The following SPOCK3 variants were observed in gnomAD, a reference collection of about 807,000 sequenced individuals.
The protein encoded by SPOCK3 is testican-3.
A neutral mutation model predicts 56.6 loss-of-function variants in SPOCK3; 30 were observed. The observed-to-expected ratio is 0.53, with a 90% confidence interval of 0.40 to 0.72. The LOEUF is 0.72. Among genes scored for constraint, SPOCK3 ranks in the 30% least tolerant of loss-of-function variants. SPOCK3 has a pLI of 0.00. For missense variants in SPOCK3, 527 were observed against 530.0 expected (o/e 0.99, Z 0.06); for synonymous variants, 196 against 183.3 (o/e 1.07, Z -0.56).
At chr4:167,125,975 T>C (rs1762244198) in intron 2 of SPOCK3, among the ~76,000 whole-genome samples, 1 of 152,158 alleles carries the variant, frequency 6.6e-6, no homozygotes, top group South Asian at 2.1e-4. Flanking sequence ...AAGAGCACAA[T>C]CCAGAAGTTA....
intron 4 of SPOCK3, among the ~76,000 whole-genome samples, chr4:166,933,694 G>C (rs1740054160): frequency 6.6e-6 from 1 of 152,172 alleles, no homozygotes; most frequent in Non-Finnish European, 1.5e-5. Flanking sequence ...TTAGAACATA[G>C]AGATAAGGCT....
At chr4:166,992,714 C>G (rs555727836) in intron 4 of SPOCK3, among the ~76,000 whole-genome samples, 1 of 117,186 alleles carries the variant, frequency 8.5e-6, no homozygotes, top group South Asian at 3.3e-4. Context: ...TTAAAAGTAA[C>G]CTTCATTAAT....
intron 4 of SPOCK3, among the ~76,000 whole-genome samples, chr4:166,995,319 A>G (rs1489026114): frequency 5.3e-5 from 8 of 152,146 alleles, no homozygotes; most frequent in Admixed American, 1.3e-4. Context: ...GTTATGATCT[A>G]TCTTTTAAGA....
intron 7 of SPOCK3, among the ~76,000 whole-genome samples, chr4:166,765,040 G>GT (rs900116356): frequency 3.9e-5 from 6 of 152,018 alleles, no homozygotes; most frequent in South Asian, 4.1e-4. Context: ...TGGGTTCTTT[G>GT]TTTTTTTCTT....
intron 2 of SPOCK3, among the ~76,000 whole-genome samples, chr4:167,075,396 TG>T (rs1757093191): frequency 6.6e-6 from 1 of 151,926 alleles, no homozygotes; most frequent in South Asian, 2.1e-4. Context: ...AGCACCAATC[TG>T]TGGACCATTC....
chr4:167,034,839 C>T (rs2150187794), intron 3 of SPOCK3, among the ~76,000 whole-genome samples: 1 of 152,158 alleles, frequency 6.6e-6, no homozygotes, highest in South Asian at 2.1e-4. Flanking sequence ...CAAAAATAGG[C>T]AGAGTACATA....
At chr4:167,116,909 GTGTGTATATA>G (rs892977956) in intron 2 of SPOCK3, among the ~76,000 whole-genome samples, 3 of 123,518 alleles carry the variant, frequency 2.4e-5, no homozygotes, top group Non-Finnish European at 3.5e-5. Flanking sequence ...TTGTGTGTGT[GTGTGTATATA>G]TATATATATA....
At chr4:166,828,076 T>G (rs2126784798) in intron 6 of SPOCK3, among the ~76,000 whole-genome samples, 1 of 152,178 alleles carries the variant, frequency 6.6e-6, no homozygotes. Context: ...CATTTCCCCT[T>G]ATTTCTTTTT....
chr4:166,932,048 A>T (rs796857849), intron 4 of SPOCK3, among the ~76,000 whole-genome samples: 7 of 152,358 alleles, frequency 4.6e-5, no homozygotes, highest in African/African-American at 1.4e-4. Context: ...ACAGAAACAC[A>T]AATTTCAGTT....
At chr4:166,893,825 T>C (rs1054622568) in intron 5 of SPOCK3, among the ~76,000 whole-genome samples, 9 of 152,136 alleles carry the variant, frequency 5.9e-5, no homozygotes, top group African/African-American at 2.2e-4. Flanking sequence ...ATAGCCAATA[T>C]CAAAGACATG....
intron 7 of SPOCK3, among the ~76,000 whole-genome samples, chr4:166,780,809 C>T (rs1190626227): frequency 2.0e-5 from 3 of 152,092 alleles, no homozygotes; most frequent in Non-Finnish European, 4.4e-5. Flanking sequence ...GCAAATGTTG[C>T]TTAAGAAGTG....
In SPOCK3 at chr4:167,033,087, C is replaced by G. The variant is rs192133162; in HGVS notation, c.235+29405G>C. 1.6e-3 allele frequency among the ~76,000 whole-genome samples: 241 copies of G among 152,028 alleles called. 1 individual carries two copies. The highest frequency in any genetic ancestry group is 4.9e-3 in the African/African-American group (203 of 41,516). On this transcript the variant is annotated intron_variant, in intron 3 of 10. Transcript: ENST00000357545. Reference sequence around the variant, plus strand: ...ATTTAGTTCAGAGCCACTGGCAGGACATATTAGTCATAATATCATGGTATC... The same window carrying G: ...ATTTAGTTCAGAGCCACTGGCAGGAGATATTAGTCATAATATCATGGTATC...
intron 6 of SPOCK3, among the ~76,000 whole-genome samples, chr4:166,834,942 C>G (rs1373860262): frequency 6.6e-6 from 1 of 151,734 alleles, no homozygotes; most frequent in East Asian, 1.9e-4. Context: ...TTTTACTATC[C>G]CAACACTTTC....
At chr4:166,839,688 G>A (rs956447743) in intron 6 of SPOCK3, among the ~76,000 whole-genome samples, 4 of 152,134 alleles carry the variant, frequency 2.6e-5, no homozygotes, top group Admixed American at 6.5e-5. Flanking sequence ...TTCACCCTAA[G>A]CTCATTTACC....
chr4:167,096,649 A>G (rs1048884549), intron 2 of SPOCK3, among the ~76,000 whole-genome samples: 1 of 151,808 alleles, frequency 6.6e-6, no homozygotes, highest in Admixed American at 6.6e-5. Context: ...TTTTAAATGT[A>G]TGATAAGTTG....
intron 2 of SPOCK3, among the ~76,000 whole-genome samples, chr4:167,073,386 T>C (rs780608374): frequency 4.0e-5 from 6 of 151,804 alleles, no homozygotes; most frequent in Non-Finnish European, 7.4e-5. Flanking sequence ...ATAACGGTCA[T>C]CATAAATGAA....
rs866962305 is a variant in SPOCK3 at position 166,756,035 on chromosome 4, G to A, written c.710-1306C>T. ...GCGCAGGCCAGTGTGTGTGCGCACC[G>A]TGCGCGAGCCGAAGCAGGGCGAGGC... On this transcript the variant is annotated intron_variant, in intron 7 of 10. Transcript: ENST00000357545. Among the ~76,000 whole-genome samples, 2 of 34,682 alleles carry A rather than the reference G, an allele frequency of 5.8e-5. 1 individual carries two copies. Among genetic ancestry groups the A allele is most frequent in the African/African-American group, 2.3e-4 (2 of 8,670 alleles). The allele number at this position is 34,682 out of a possible 152,430, so 22.8% of individuals were successfully genotyped here. A position where few individuals can be genotyped will look rare whatever the true frequency, so the allele number is the denominator to read the frequency against.
At chr4:167,049,497 C>T (rs533438132) in intron 3 of SPOCK3, among the ~76,000 whole-genome samples, 1 of 152,160 alleles carries the variant, frequency 6.6e-6, no homozygotes, top group East Asian at 1.9e-4. Flanking sequence ...GATTATATCA[C>T]CTCTTTTTTA....
intron 8 of SPOCK3, among the ~76,000 whole-genome samples, chr4:166,746,971 CTGAAATTG>C (rs2126441830): frequency 6.6e-6 from 1 of 152,252 alleles, no homozygotes; most frequent in African/African-American, 2.4e-5. Context: ...ATAACAGACT[CTGAAATTG>C]AGGCAATAAT....
Sources: allele counts gnomAD v4.1 joint callset (sites outside exome capture counted in the v4.1 genomes callset), GRCh38; gene constraint gnomAD v4.1.1; transcripts MANE v1.5; gene names NCBI Gene and HGNC (gene_info 2026-07-23, HGNC 2026-07-21).